ZAN: variants seen among roughly 807,000 people sequenced by gnomAD.
The protein encoded by ZAN is zonadhesin.
In ZAN, 260 loss-of-function variants were observed where a neutral mutation model predicts 286.2. That is an observed-to-expected ratio of 0.91 (90% CI 0.82 to 1.01). ZAN has a LOEUF of 1.01. ZAN is among the 50% of genes least tolerant of loss of function. The pLI, the probability that ZAN is intolerant of heterozygous loss-of-function variation, is 0.00. For missense variants in ZAN, 3,410 were observed against 3,639.2 expected (o/e 0.94, Z 1.62); for synonymous variants, 1,368 against 1,417.5 (o/e 0.97, Z 0.79).
chr7:100,790,964 C>CGAG lies in ZAN; in HGVS notation c.7382_7384dup (p.Glu2461dup). 1 of 1,612,090 alleles carries CGAG rather than the reference C, an allele frequency of 6.2e-7. No individual in the cohort carries two copies. ...CAGTGATCTCCCTACCCAGCATGTA[C>CGAG]GAGGGGCTTGTGAGTGGCCTGTGCG... On this transcript the variant is annotated inframe_insertion, in exon 40 of 48. Coordinates refer to ENST00000613979, the MANE Select transcript of ZAN (RefSeq NM_003386.3).
In ZAN at chr7:100,735,555, A is replaced by C. The variant is rs1346270812; in HGVS notation, c.54-165A>C. 2.3e-5 allele frequency among the ~76,000 whole-genome samples: 3 copies of C among 130,162 alleles called. 1 individual carries two copies. Among genetic ancestry groups the C allele is most frequent in the Non-Finnish European group, 4.9e-5 (3 of 60,960 alleles). The allele number at this position is 130,162 out of a possible 152,430, so 85.4% of individuals were successfully genotyped here. On this transcript the variant is annotated intron_variant, in intron 2 of 47. Transcript: ENST00000613979. Reference sequence around the variant, plus strand: ...GCACTCTAGCCTGGGTGCCGGAAAAAAAAAAAAAGAAAAGAAAAAAAGAAA... The same window carrying C: ...GCACTCTAGCCTGGGTGCCGGAAAACAAAAAAAAGAAAAGAAAAAAAGAAA...
In ZAN at chr7:100,747,653, C is replaced by A. The variant is rs1033105537; in HGVS notation, c.1023+12C>A. 1 of 1,612,368 alleles carries A rather than the reference C, an allele frequency of 6.2e-7. No individual in the cohort carries two copies. Among genetic ancestry groups the A allele is most frequent in the African/African-American group, 1.3e-5 (1 of 74,868 alleles). ...TGGGACGGATACAGGTACAGAGAAG[C>A]AAGGGGTCAGGTCCTTGCACATGGT... On this transcript the variant is annotated intron_variant, in intron 9 of 47. Transcript: ENST00000613979.
Position 100,766,638 on chromosome 7 carries a change from G to A in ZAN, c.4584G>A (p.Gln1528=). 6.4e-7 allele frequency: 1 copy of A among 1,566,318 alleles called. No homozygotes were observed. The highest frequency in any genetic ancestry group is 8.7e-7 in the Non-Finnish European group (1 of 1,155,612). Residue 1528 remains glutamine (Q), a synonymous_variant, in exon 24 of 48, where the codon CAG becomes CAA. Coordinates refer to ENST00000613979, the MANE Select transcript of ZAN (RefSeq NM_003386.3). Reference sequence around the variant, plus strand: ...GGGCCCAGGAGTTCTGTGGCCAACAGGATGGTATCTATGGCTGCCATGCCC... The same window carrying A: ...GGGCCCAGGAGTTCTGTGGCCAACAAGATGGTATCTATGGCTGCCATGCCC... The part of the protein sequence containing the change: ...RCRAQEFCGQ[Q]DGIYGCHAQG...
chr7:100,773,955 G>C, intron 31 of ZAN, 90 bp downstream of exon 31: 2 of 1,490,524 alleles, frequency 1.3e-6, no homozygotes, highest in Non-Finnish European at 1.8e-6. Context: ...TGTAGCACTG[G>C]GTTTCAGGTT....
At chr7:100,755,731 C>A (rs1809101144) in intron 15 of ZAN, among the ~76,000 whole-genome samples, 1 of 151,958 alleles carries the variant, frequency 6.6e-6, no homozygotes. Context: ...GCCACCATGC[C>A]CAGCTAATTT....
chr7:100,782,606 C>T (rs1811263014), intron 35 of ZAN, among the ~76,000 whole-genome samples: 2 of 152,164 alleles, frequency 1.3e-5, no homozygotes, highest in East Asian at 3.8e-4. Context: ...GCTGGGGTTA[C>T]AGGCGTGAGC....
chr7:100,736,266 C>T (rs1203139780), intron 3 of ZAN, among the ~76,000 whole-genome samples: 2 of 142,390 alleles, frequency 1.4e-5, no homozygotes, highest in East Asian at 2.0e-4. Flanking sequence ...TGCAGTGGCG[C>T]GATCTTGGCT....
At chr7:100,753,648 C>A (rs372459916) in intron 14 of ZAN, among the ~76,000 whole-genome samples, 37 of 150,218 alleles carry the variant, frequency 2.5e-4, no homozygotes, top group African/African-American at 7.1e-4. Context: ...CATAGTGAGA[C>A]CCTGTCTCCA....
rs780997681 is a variant in ZAN, at chr7:100,736,819, T to C, written c.264T>C (p.Tyr88=). 4 of 1,477,396 alleles carry C rather than the reference T, an allele frequency of 2.7e-6. No homozygotes were observed. The South Asian group carries it at 3.6e-5, about 13-fold the overall frequency. The allele number at this position is 1,477,396 out of a possible 1,614,324, so 91.5% of individuals were successfully genotyped here. The part of the protein sequence containing the change: ...PGGYPNGEGS[Y]LHMESNSFHR... ...CTCTGCCTCCCCCAGAGGGCAGCTA[T>C]CTGCATATGGAATCGAACAGCTTCC... The change falls in exon 5 of 48, where the codon TAT becomes TAC. Residue 88 remains tyrosine, a synonymous_variant. Coordinates refer to ENST00000613979, the MANE Select transcript of ZAN (RefSeq NM_003386.3).
chr7:100,795,177 A>G lies in ZAN; in HGVS notation c.8126-19A>G. On this transcript the variant is annotated intron_variant, in intron 44 of 47. Transcript: ENST00000613979. ...GTCCTCCCAGGGCCCCCCTCCCACA[A>G]CCCTCTCTGTCCTTGCAGAAAGCCC... 6.2e-7 allele frequency: 1 copy of G among 1,601,776 alleles called. No individual in the cohort carries two copies. The highest frequency in any genetic ancestry group is 8.5e-7 in the Non-Finnish European group (1 of 1,174,188).
intron 8 of ZAN, 104 bp from the exon 9 acceptor site, chr7:100,747,446 T>G: frequency 1.2e-6 from 1 of 859,872 alleles, no homozygotes; most frequent in Non-Finnish European, 1.9e-6. Context: ...TTGGTGGTAA[T>G]CGTCCCCAGC....
At chr7:100,760,739 G>A (rs1428220586) in intron 19 of ZAN, among the ~76,000 whole-genome samples, 6 of 152,096 alleles carry the variant, frequency 3.9e-5, no homozygotes, top group Non-Finnish European at 8.8e-5. Context: ...ATGGTTTCGG[G>A]GCATGTGATA....
At position 100,748,451 on chromosome 7, in the gene ZAN, G is replaced by A. The variant is rs753689950; in HGVS notation, c.1230G>A (p.Ala410=). The A allele has an allele frequency of 3.1e-6, 5 of 1,612,742 alleles. No individual in the cohort carries two copies. The highest frequency in any genetic ancestry group is 1.7e-5 in the Admixed American group (1 of 59,732). Residue 410 remains alanine (A), a synonymous_variant, in exon 11 of 48, where the codon GCG becomes GCA. Coordinates refer to ENST00000613979, the MANE Select transcript of ZAN (RefSeq NM_003386.3). Reference sequence around the variant, plus strand: ...GACCCGTCCATGGCATGGGCCCTGCGGGAGGTTTCCCTAATGCAGGTGAGG... The same window carrying A: ...GACCCGTCCATGGCATGGGCCCTGCAGGAGGTTTCCCTAATGCAGGTGAGG... ...KNGPVHGMGP[A]GGFPNAGGHY... is the part of the protein sequence containing the mutation.
chr7:100,771,564 C>T (rs1810369833), intron 28 of ZAN, among the ~76,000 whole-genome samples: 1 of 151,990 alleles, frequency 6.6e-6, no homozygotes, highest in South Asian at 2.1e-4. Context: ...CCCGAGTTGC[C>T]TGGACTACAG....
intron 6 of ZAN, among the ~76,000 whole-genome samples, 187 bp downstream of exon 6, chr7:100,737,536 C>T: frequency 7.2e-6 from 1 of 139,092 alleles, no homozygotes; most frequent in Non-Finnish European, 1.6e-5. Context: ...GAAGCCCCGT[C>T]TCTACTAAAA....
chr7:100,782,684 TGTGTG>T (rs777986975), intron 35 of ZAN, among the ~76,000 whole-genome samples: 1,271 of 77,612 alleles, frequency 0.016, 9 homozygotes, highest in African/African-American at 0.042. Context: ...GTTTTTTTTG[TGTGTG>T]TGTGTGTGTG....
chr7:100,795,343 G>A lies in ZAN; in HGVS notation c.8266+7G>A. ...CCACCTCCCAGAAAGCCAGGTGAGGGCATCGTCCAAGGCCCTGTACCCTCA... is the reference window on the plus strand; with the variant it reads ...CCACCTCCCAGAAAGCCAGGTGAGGACATCGTCCAAGGCCCTGTACCCTCA... On this transcript the variant is annotated splice_region_variant and intron_variant, in intron 45 of 47. Coordinates refer to ENST00000613979, the MANE Select transcript of ZAN (RefSeq NM_003386.3). 6.3e-7 allele frequency: 1 copy of A among 1,578,184 alleles called. No homozygotes were observed. Among genetic ancestry groups the A allele is most frequent in the Non-Finnish European group, 8.6e-7 (1 of 1,160,082 alleles).
chr7:100,792,347 G>T lies in ZAN; in HGVS notation c.7713-58G>T. ...GGGTTCCAGGCTCTCTTCTGCAGGG[G>T]TGGGTCTCCTCCCCTCCCCAAACTG... On this transcript the variant is annotated intron_variant, in intron 41 of 47. Transcript: ENST00000613979. The T allele has an allele frequency of 4.5e-6, 7 of 1,543,376 alleles. No homozygotes were observed. In the South Asian group the frequency reaches 7.5e-5, roughly 16 times the overall value.
chr7:100,783,763 AAT>A (rs1554409733), intron 35 of ZAN, among the ~76,000 whole-genome samples: 4 of 7,482 alleles, frequency 5.3e-4, no homozygotes, highest in African/African-American at 2.1e-3. Flanking sequence ...AAAAAAAAAA[AAT>A]ATATATATAT....
Sources: gnomAD v4.1 joint callset for allele counts (sites outside exome capture counted in the v4.1 genomes callset) on GRCh38, gnomAD v4.1.1 for gene constraint, MANE v1.5 for transcripts, NCBI Gene and HGNC (gene_info 2026-07-23, HGNC 2026-07-21) for gene names.